CDH8: variants seen among roughly 807,000 people sequenced by gnomAD.
CDH8 encodes the protein cadherin-8.
CDH8 carries 17 observed loss-of-function variants against 68.1 expected under a neutral mutation model. That is an observed-to-expected ratio of 0.25 (90% CI 0.17 to 0.37). The LOEUF is 0.37. Ranked by LOEUF, CDH8 falls within the 10% of genes least tolerant of loss-of-function variation. CDH8 has a pLI of 1.00. For missense variants in CDH8, 763 were observed against 999.3 expected (o/e 0.76, Z 3.19); for synonymous variants, 372 against 365.1 (o/e 1.02, Z -0.21).
chr16:61,771,400 T>C (rs915473842), intron 8 of CDH8, among the ~76,000 whole-genome samples: 3 of 140,784 alleles, frequency 2.1e-5, no homozygotes, highest in Admixed American at 7.8e-5. Flanking sequence ...TACTCAAATA[T>C]GAACCAGCAA....
At chr16:61,840,833 T>C (rs1962668297) in intron 4 of CDH8, among the ~76,000 whole-genome samples, 1 of 151,936 alleles carries the variant, frequency 6.6e-6, no homozygotes, top group African/African-American at 2.4e-5. Flanking sequence ...AATACCTAGG[T>C]GATGGGTTGA....
chr16:61,962,642 A>G (rs1181833864), intron 2 of CDH8, among the ~76,000 whole-genome samples: 1 of 152,172 alleles, frequency 6.6e-6, no homozygotes, highest in East Asian at 1.9e-4. Context: ...TTCTGTTCAA[A>G]ACTGAACGTA....
At chr16:61,996,539 C>G (rs898885243) in intron 2 of CDH8, among the ~76,000 whole-genome samples, 1 of 151,912 alleles carries the variant, frequency 6.6e-6, no homozygotes, top group South Asian at 2.1e-4. Context: ...CATAAAGCTA[C>G]GGCAGCTTTC....
intron 4 of CDH8, among the ~76,000 whole-genome samples, chr16:61,837,027 T>A (rs550665286): frequency 6.6e-6 from 1 of 151,960 alleles, no homozygotes; most frequent in Non-Finnish European, 1.5e-5. Flanking sequence ...ATTCCACAAG[T>A]CCTGTTTTTG....
chr16:61,789,697 G>A (rs1188439519), intron 7 of CDH8, among the ~76,000 whole-genome samples: 1 of 152,072 alleles, frequency 6.6e-6, no homozygotes, highest in Non-Finnish European at 1.5e-5. Context: ...TATGCAACAT[G>A]TAGTTCATAA....
At chr16:61,873,460 T>C (rs1410550546) in intron 3 of CDH8, among the ~76,000 whole-genome samples, 1 of 152,074 alleles carries the variant, frequency 6.6e-6, no homozygotes. Context: ...ATAATACACA[T>C]CAACTTGTAA....
At chr16:61,813,589 G>C (rs1051710930) in intron 7 of CDH8, among the ~76,000 whole-genome samples, 1 of 152,172 alleles carries the variant, frequency 6.6e-6, no homozygotes, top group Non-Finnish European at 1.5e-5. Context: ...AGGGGGAGAA[G>C]CCTGGTCTCC....
At chr16:61,787,821 C>G (rs958094933) in intron 8 of CDH8, among the ~76,000 whole-genome samples, 23 of 138,836 alleles carry the variant, frequency 1.7e-4, no homozygotes, top group African/African-American at 5.5e-4. Flanking sequence ...AATCATCATT[C>G]TCAGTAAACT....
chr16:61,822,205 C>CCTTTTTTTTTTTTTT (rs1962230457), intron 5 of CDH8, among the ~76,000 whole-genome samples: 1 of 45,630 alleles, frequency 2.2e-5, no homozygotes, highest in African/African-American at 1.1e-4. Flanking sequence ...AAAAACGCAC[C>CCTTTTTTTTTTTTTT]TTTTTTTTTT....
chr16:61,754,489 GT>G (rs577149627), intron 8 of CDH8, among the ~76,000 whole-genome samples: 7 of 151,304 alleles, frequency 4.6e-5, no homozygotes, highest in East Asian at 3.9e-4. Flanking sequence ...GCCATTTTTT[GT>G]TTTTTTTATT....
In CDH8 at chr16:61,841,628, A is replaced by G. The variant is rs558659253; in HGVS notation, c.667+15491T>C. On this transcript the variant is annotated intron_variant, in intron 4 of 11. Transcript: ENST00000577390. Reference sequence around the variant, plus strand: ...TAGCACAATAGAGTGACTATAGTCAATAATAATAACTTAATTGTACATTTT... The same window carrying G: ...TAGCACAATAGAGTGACTATAGTCAGTAATAATAACTTAATTGTACATTTT... Among the ~76,000 whole-genome samples the G allele has an allele frequency of 1.3e-5, 2 of 152,316 alleles. 1 individual carries two copies. Among genetic ancestry groups the G allele is most frequent in the African/African-American group, 4.8e-5 (2 of 41,580 alleles).
intron 8 of CDH8, among the ~76,000 whole-genome samples, chr16:61,758,380 C>A (rs1322776036): frequency 6.6e-5 from 10 of 152,072 alleles, no homozygotes; most frequent in Non-Finnish European, 8.8e-5. Context: ...AAAGAAGAAA[C>A]TTTTTCTGAA....
intron 2 of CDH8, among the ~76,000 whole-genome samples, chr16:61,941,488 T>G (rs1005349183): frequency 6.6e-6 from 1 of 152,232 alleles, no homozygotes; most frequent in Non-Finnish European, 1.5e-5. Flanking sequence ...TCACTCTTGT[T>G]GCCCAGGCTG....
At chr16:61,728,126 G>A (rs1040054498) in intron 8 of CDH8, among the ~76,000 whole-genome samples, 3 of 150,984 alleles carry the variant, frequency 2.0e-5, no homozygotes, top group Non-Finnish European at 4.5e-5. Flanking sequence ...CTGTGGCACT[G>A]AATATTTATA....
intron 6 of CDH8, among the ~76,000 whole-genome samples, chr16:61,820,085 T>G (rs1962174347): frequency 6.6e-6 from 1 of 152,076 alleles, no homozygotes; most frequent in Non-Finnish European, 1.5e-5. Context: ...AAGAGATTGC[T>G]AACAAAAGCA....
At chr16:61,786,763 C>T (rs1403892109) in intron 8 of CDH8, among the ~76,000 whole-genome samples, 1 of 22,298 alleles carries the variant, frequency 4.5e-5, no homozygotes, top group Non-Finnish European at 9.1e-5. Context: ...TGCAACAGAA[C>T]AGAGCCCTCA....
At chr16:61,769,832 T>G (rs183641820) in intron 8 of CDH8, among the ~76,000 whole-genome samples, 146 of 152,066 alleles carry the variant, frequency 9.6e-4, no homozygotes, top group African/African-American at 3.2e-3. Context: ...ATTCTATGAT[T>G]GCTATTTTTA....
chr16:61,795,338 C>G (rs1270432617), intron 7 of CDH8, among the ~76,000 whole-genome samples: 1 of 152,030 alleles, frequency 6.6e-6, no homozygotes, highest in East Asian at 1.9e-4. Flanking sequence ...TTCTCAGCAT[C>G]CTTCTGAGTA....
intron 2 of CDH8, among the ~76,000 whole-genome samples, chr16:61,908,379 C>T (rs1964098752): frequency 6.6e-6 from 1 of 152,142 alleles, no homozygotes; most frequent in Non-Finnish European, 1.5e-5. Flanking sequence ...CAATCTAGAG[C>T]AGACAAGTGT....
Sources: gnomAD v4.1 joint callset for allele counts (sites outside exome capture counted in the v4.1 genomes callset) on GRCh38, gnomAD v4.1.1 for gene constraint, MANE v1.5 for transcripts, NCBI Gene and HGNC (gene_info 2026-07-23, HGNC 2026-07-21) for gene names.